SPTY2D1: variants seen among roughly 807,000 people sequenced by gnomAD.
The protein encoded by SPTY2D1 is SPT2 chromatin protein domain containing 1.
In SPTY2D1, 21 loss-of-function variants were observed where a neutral mutation model predicts 64.0. The ratio of observed to expected loss-of-function variants is 0.33; its 90% CI spans 0.23 to 0.47. SPTY2D1 has a LOEUF of 0.47. Among genes scored for constraint, SPTY2D1 ranks in the 20% least tolerant of loss-of-function variants. The pLI, the probability that SPTY2D1 is intolerant of heterozygous loss-of-function variation, is 1.00. For synonymous variants in SPTY2D1, 287 were observed against 286.8 expected, an observed-to-expected ratio of 1.00 and a Z score of -0.01; for missense variants, 724 against 837.2, an observed-to-expected ratio of 0.86 and a Z score of 1.67.
intron 1 of SPTY2D1, among the ~76,000 whole-genome samples, chr11:18,623,928 G>A (rs1218345207): frequency 6.6e-6 from 1 of 152,126 alleles, no homozygotes; most frequent in Admixed American, 6.5e-5. Context: ...GATATACCAT[G>A]CATTATTTTT....
At position 18,625,812 on chromosome 11, in the gene SPTY2D1, A is replaced by ACT. The variant is rs1854487216; in HGVS notation, c.60+8384_60+8385dup. Among the ~76,000 whole-genome samples, 3 of 130,946 alleles carry ACT rather than the reference A, an allele frequency of 2.3e-5. 1 individual carries two copies. Among genetic ancestry groups the ACT allele is most frequent in the African/African-American group, 9.7e-5 (3 of 31,022 alleles). 85.9% of individuals were successfully genotyped at this position (130,946 alleles called of 152,430 possible). On this transcript the variant is annotated intron_variant, in intron 1 of 5. Transcript: ENST00000336349. ...TGGTCACTTCTAATTTAACTCCAAC[A>ACT]CTTTCTTTTTTTTTTTTTTTTGAGA...
Position 18,612,773 on chromosome 11 carries a change from T to C in SPTY2D1, c.1712-285A>G, listed in dbSNP as rs1249775695. ...ATCAGTAAAATTTCTTTCTTTCTTT[T>C]TTTTTTTTTTGAGACAGAGTTTCAC... On this transcript the variant is annotated intron_variant, in intron 3 of 5. Coordinates refer to ENST00000336349, the MANE Select transcript of SPTY2D1 (RefSeq NM_194285.3). This position sits in a 1 kb window ranked among gnomAD's most constrained non-coding sequence, Gnocchi z 4.6. 1.3e-5 allele frequency among the ~76,000 whole-genome samples: 2 copies of C among 151,800 alleles called. No homozygotes were observed. Among genetic ancestry groups the C allele is most frequent in the Non-Finnish European group, 2.9e-5 (2 of 67,932 alleles).
Position 18,609,598 on chromosome 11 carries a change from A to G in SPTY2D1, c.*263T>C, listed in dbSNP as rs1307513329. The G allele has an allele frequency of 2.1e-6, 1 of 465,484 alleles. No homozygotes were observed. Among genetic ancestry groups the G allele is most frequent in the South Asian group, 2.8e-5 (1 of 35,128 alleles). 28.8% of individuals were successfully genotyped at this position (465,484 alleles called of 1,614,324 possible). On this transcript the variant is annotated 3_prime_UTR_variant, in exon 6 of 6. Transcript: ENST00000336349. ...GGCCCCACATTAGAGTGCATAGCTCATCAGGATCAAGGCTGGCATCTGTGA... is the reference window on the plus strand; with the variant it reads ...GGCCCCACATTAGAGTGCATAGCTCGTCAGGATCAAGGCTGGCATCTGTGA...
In SPTY2D1 at chr11:18,615,057, G is replaced by A; in HGVS notation, c.1217C>T (p.Ser406Leu). 2 of 1,614,152 alleles carry A rather than the reference G, an allele frequency of 1.2e-6. No homozygotes were observed. Among genetic ancestry groups the A allele is most frequent in the Non-Finnish European group, 1.7e-6 (2 of 1,180,052 alleles). ...CCCACTGATTGATCGCTCAGGTCCT[G>A]AGCTGGAGCTGCCATTCTGGCGCCT... ...VPRRQNGSSS[S>L]GPERSISGSK... is the part of the protein sequence containing the mutation. Residue 406 changes from serine (S) to leucine (L), a missense_variant, in exon 3 of 6, where the codon TCA becomes TTA. Around this residue, in one of 3 missense-constraint regions of SPTY2D1, gnomAD observed 426 missense variants for 431.8 expected, o/e 0.99. Coordinates refer to ENST00000336349, the MANE Select transcript of SPTY2D1 (RefSeq NM_194285.3).
intron 1 of SPTY2D1, among the ~76,000 whole-genome samples, chr11:18,621,229 AG>A: frequency 6.7e-6 from 1 of 150,030 alleles, no homozygotes; most frequent in South Asian, 2.1e-4. Flanking sequence ...CAGGAGGTGA[AG>A]GGTTGCAGTG....
rs1854256981 is a variant in SPTY2D1 at position 18,614,548 on chromosome 11, G to A, written c.1711+15C>T. On this transcript the variant is annotated intron_variant, in intron 3 of 5. Coordinates refer to ENST00000336349, the MANE Select transcript of SPTY2D1 (RefSeq NM_194285.3). Reference sequence around the variant, plus strand: ...ATGACAAATATATACTCTTTCGGGTGAGGGGAAATTTTACCTTGGGCAGCT... The same window carrying A: ...ATGACAAATATATACTCTTTCGGGTAAGGGGAAATTTTACCTTGGGCAGCT... 6.3e-7 allele frequency: 1 copy of A among 1,589,448 alleles called. No homozygotes were observed. The highest frequency in any genetic ancestry group is 1.4e-5 in the African/African-American group (1 of 73,936).
In SPTY2D1 at chr11:18,615,015, T is replaced by C. The variant is rs747907146; in HGVS notation, c.1259A>G (p.Asn420Ser). 1.9e-6 allele frequency: 3 copies of C among 1,614,186 alleles called. No homozygotes were observed. Among genetic ancestry groups the C allele is most frequent in the African/African-American group, 1.3e-5 (1 of 75,064 alleles). Residue 420 changes from asparagine to serine, a missense_variant, in exon 3 of 6, where the codon AAT (asparagine) becomes AGT (serine). Asn to Ser is a conservative substitution (Grantham distance 46). Coordinates refer to ENST00000336349, the MANE Select transcript of SPTY2D1 (RefSeq NM_194285.3). ...TGTCCGCCTAGAGGGATTTGAGTCA[T>C]TGGTTGGCTTCTTGGACCCACTGAT... Reference protein sequence around the residue: ...RSISGSKKPTNDSNPSRRTVS... With the variant: ...RSISGSKKPTSDSNPSRRTVS...
At position 18,634,318 on chromosome 11, in the gene SPTY2D1, C is replaced by G; in HGVS notation, c.-61G>C. 1.3e-6 allele frequency: 2 copies of G among 1,580,358 alleles called. No homozygotes were observed. The highest frequency in any genetic ancestry group is 1.7e-6 in the Non-Finnish European group (2 of 1,151,464). On this transcript the variant is annotated 5_prime_UTR_variant, in exon 1 of 6. Transcript: ENST00000336349. ...CGGAAAGGACTGACAGCGCACCTAACCGAGGCGCCCAGCTACAGCCAACTG... is the reference window on the plus strand; with the variant it reads ...CGGAAAGGACTGACAGCGCACCTAAGCGAGGCGCCCAGCTACAGCCAACTG...
In SPTY2D1 at chr11:18,615,038, G is replaced by A; in HGVS notation, c.1236C>T (p.Ile412=). The change falls in exon 3 of 6, where the codon ATC becomes ATT. Residue 412 remains isoleucine, a synonymous_variant. Transcript: ENST00000336349. ...GSSSSGPERS[I]SGSKKPTNDS... ...CATTGGTTGGCTTCTTGGACCCACT[G>A]ATTGATCGCTCAGGTCCTGAGCTGG... 6.2e-7 allele frequency: 1 copy of A among 1,614,172 alleles called. No homozygotes were observed.
intron 1 of SPTY2D1, among the ~76,000 whole-genome samples, chr11:18,632,355 ATT>A (rs996670759): frequency 1.4e-5 from 2 of 144,508 alleles, no homozygotes; most frequent in Non-Finnish European, 1.5e-5. Flanking sequence ...TTATCTATTG[ATT>A]TTTTTTTTTT....
intron 1 of SPTY2D1, among the ~76,000 whole-genome samples, chr11:18,619,687 T>A (rs1277541808): frequency 1.3e-5 from 2 of 151,294 alleles, no homozygotes; most frequent in African/African-American, 4.9e-5. Context: ...AACCAGGGAG[T>A]CGGAGGCTGC....
At chr11:18,616,797 GA>G in intron 2 of SPTY2D1, 77 bp downstream of exon 2, 1 of 1,378,158 alleles carries the variant, frequency 7.3e-7, no homozygotes, top group African/African-American at 1.4e-5. Flanking sequence ...TGTTTTTATA[GA>G]CAGCCACTGG....
chr11:18,631,716 T>C (rs936859141), intron 1 of SPTY2D1, among the ~76,000 whole-genome samples: 1 of 151,998 alleles, frequency 6.6e-6, no homozygotes, highest in African/African-American at 2.4e-5. Context: ...GAAATGTTAA[T>C]ATGCTAAATA....
chr11:18,617,117 G>C lies in SPTY2D1; in HGVS notation c.61-128C>G, dbSNP rs903014973. Reference sequence around the variant, plus strand: ...TGAAACCTATTCTGAATAATTGAGAGATCATATAACCCATAATAAAGCTTA... The same window carrying C: ...TGAAACCTATTCTGAATAATTGAGACATCATATAACCCATAATAAAGCTTA... On this transcript the variant is annotated intron_variant, in intron 1 of 5. Coordinates refer to ENST00000336349, the MANE Select transcript of SPTY2D1 (RefSeq NM_194285.3). 14 of 693,802 alleles carry C rather than the reference G, an allele frequency of 2.0e-5. 1 individual carries two copies. In the South Asian group the frequency reaches 2.6e-4, roughly 13 times the overall value. The allele number at this position is 693,802 out of a possible 1,614,324, so 43.0% of individuals were successfully genotyped here.
At chr11:18,620,333 C>G (rs1854373516) in intron 1 of SPTY2D1, among the ~76,000 whole-genome samples, 1 of 151,620 alleles carries the variant, frequency 6.6e-6, no homozygotes, top group South Asian at 2.1e-4. Context: ...ACAAAAATTA[C>G]CCAGGCATGG....
intron 1 of SPTY2D1, among the ~76,000 whole-genome samples, chr11:18,617,892 A>C: frequency 6.6e-6 from 1 of 152,186 alleles, no homozygotes; most frequent in Admixed American, 6.5e-5. Context: ...CAGTGAGCCG[A>C]GATTGCGCCA....
chr11:18,619,000 T>C (rs956864059), intron 1 of SPTY2D1, among the ~76,000 whole-genome samples: 3 of 152,216 alleles, frequency 2.0e-5, no homozygotes, highest in Non-Finnish European at 4.4e-5. Context: ...CATATCTTTG[T>C]AAATTTAATT....
intron 1 of SPTY2D1, among the ~76,000 whole-genome samples, chr11:18,626,429 A>C (rs1353108003): frequency 3.8e-4 from 2 of 5,274 alleles, no homozygotes; most frequent in Non-Finnish European, 0.01. Context: ...ACAAACAAAC[A>C]AAAAAAAAAA....
Position 18,634,226 on chromosome 11 carries a change from G to C in SPTY2D1, c.32C>G (p.Ser11Cys), listed in dbSNP as rs773585929. 6.2e-7 allele frequency: 1 copy of C among 1,614,182 alleles called. No individual in the cohort carries two copies. The highest frequency in any genetic ancestry group is 8.5e-7 in the Non-Finnish European group (1 of 1,180,034). The part of the protein sequence containing the change: MDFREILMIA[S>C]KGQGVNNVPK... Reference sequence around the variant, plus strand: ...CACATTGTTGACACCTTGTCCCTTGGAAGCTATCATGAGAATTTCTCTGAA... The same window carrying C: ...CACATTGTTGACACCTTGTCCCTTGCAAGCTATCATGAGAATTTCTCTGAA... The change falls in exon 1 of 6, where the codon TCC becomes TGC. Residue 11 changes from serine (S) to cysteine (C), a missense_variant. Physicochemically the swap from Ser to Cys is moderately radical, Grantham distance 112. Around this residue, in one of 3 missense-constraint regions of SPTY2D1, gnomAD observed 179 missense variants for 232.5 expected, o/e 0.77. Coordinates refer to ENST00000336349, the MANE Select transcript of SPTY2D1 (RefSeq NM_194285.3).
Sources: allele counts gnomAD v4.1 joint callset (sites outside exome capture counted in the v4.1 genomes callset), GRCh38; gene constraint gnomAD v4.1.1; regional missense constraint gnomAD v4.1.1; non-coding constraint Gnocchi (gnomAD v3.1); transcripts MANE v1.5; gene names NCBI Gene and HGNC (gene_info 2026-07-23, HGNC 2026-07-21).